The following FMNL2 variants were observed in gnomAD, a reference collection of about 807,000 sequenced individuals.
The protein encoded by FMNL2 is formin-like protein 2.
FMNL2 carries 51 observed loss-of-function variants against 130.2 expected under a neutral mutation model. The ratio of observed to expected loss-of-function variants is 0.39; its 90% CI spans 0.31 to 0.49. FMNL2 has a LOEUF of 0.49. Among genes scored for constraint, FMNL2 ranks in the 20% least tolerant of loss-of-function variants. The probability of loss-of-function intolerance (pLI) is 0.85; values close to 1 mark genes in which losing one functional copy is unlikely to be tolerated. For missense variants in FMNL2, 977 were observed against 1,316.2 expected, an observed-to-expected ratio of 0.74 and a Z score of 3.99; for synonymous variants, 465 against 467.1, an observed-to-expected ratio of 1.00 and a Z score of 0.06.
chr2:152,415,621 G>A (rs1686567336), intron 1 of FMNL2, among the ~76,000 whole-genome samples: 1 of 148,390 alleles, frequency 6.7e-6, no homozygotes, highest in Non-Finnish European at 1.5e-5. Flanking sequence ...TACTAATATT[G>A]AGTTCAAGAG....
chr2:152,409,684 A>G (rs780674232), intron 1 of FMNL2, among the ~76,000 whole-genome samples: 1 of 152,170 alleles, frequency 6.6e-6, no homozygotes, highest in African/African-American at 2.4e-5. Flanking sequence ...CAGTAATCGG[A>G]CCCTGATTAA....
intron 1 of FMNL2, among the ~76,000 whole-genome samples, chr2:152,392,741 C>G (rs530649416): frequency 6.6e-6 from 1 of 152,334 alleles, no homozygotes; most frequent in East Asian, 1.9e-4. Context: ...GGGACACATT[C>G]AAACCATAAC....
chr2:152,390,629 C>A, intron 1 of FMNL2: 1 of 958,598 alleles, frequency 1.0e-6, no homozygotes, highest in Admixed American at 1.7e-5. Flanking sequence ...AGGCCAAATT[C>A]AACTAGCCCG....
At chr2:152,621,336 G>A (rs78416242) in intron 15 of FMNL2, among the ~76,000 whole-genome samples, 17,705 of 152,206 alleles carry the variant, frequency 0.12, 1,311 homozygotes, top group African/African-American at 0.21. Flanking sequence ...GCTGAGATGT[G>A]TCTAGAGCTT....
chr2:152,601,609 C>T (rs1199251237), intron 9 of FMNL2, among the ~76,000 whole-genome samples: 1 of 148,554 alleles, frequency 6.7e-6, no homozygotes, highest in Non-Finnish European at 1.5e-5. Context: ...CGATTGCTTT[C>T]TTAAAGTATG....
In FMNL2 at chr2:152,358,540, A is replaced by G. The variant is rs528204748; in HGVS notation, c.117+22820A>G. The stretch of plus-strand genomic sequence containing the variant: ...GTGGTGCACACCTGTAGTCCCAGCT[A>G]CTTGGGAGGCTGAGGCAGAAGAATT... On this transcript the variant is annotated intron_variant, in intron 1 of 25. Coordinates refer to ENST00000288670, the MANE Select transcript of FMNL2 (RefSeq NM_052905.4). Among the ~76,000 whole-genome samples the G allele has an allele frequency of 5.9e-5, 9 of 152,114 alleles. No homozygotes were observed. The East Asian group carries it at 1.7e-3, about 29-fold the overall frequency.
chr2:152,603,699 T>C lies in FMNL2; in HGVS notation c.877-3640T>C, dbSNP rs747012. Among the ~76,000 whole-genome samples, 1,449 of 151,130 alleles carry C rather than the reference T, an allele frequency of 9.6e-3. 41 individuals are homozygous for C. Among genetic ancestry groups the C allele is most frequent in the African/African-American group, 0.033 (1,377 of 41,490 alleles). On this transcript the variant is annotated intron_variant, in intron 9 of 25. Transcript: ENST00000288670. Reference sequence around the variant, plus strand: ...TTCCAGCCATTCAAAACCTTTTTTTTCTAAGACCCAACATGCACCCCTTGA... The same window carrying C: ...TTCCAGCCATTCAAAACCTTTTTTTCCTAAGACCCAACATGCACCCCTTGA...
chr2:152,461,159 C>T (rs1689219708), intron 1 of FMNL2, among the ~76,000 whole-genome samples: 1 of 151,998 alleles, frequency 6.6e-6, no homozygotes, highest in Admixed American at 6.6e-5. Flanking sequence ...AATATGTGAA[C>T]CATATGATGA....
intron 1 of FMNL2, among the ~76,000 whole-genome samples, chr2:152,472,667 G>T (rs1689924351): frequency 6.6e-6 from 1 of 152,156 alleles, no homozygotes; most frequent in South Asian, 2.1e-4. Flanking sequence ...TCAGGCTCCA[G>T]GCAATTCAGA....
At chr2:152,452,218 T>C (rs2105072850) in intron 1 of FMNL2, among the ~76,000 whole-genome samples, 1 of 152,280 alleles carries the variant, frequency 6.6e-6, no homozygotes, top group Admixed American at 6.5e-5. Context: ...TTGAGGGACT[T>C]GCGTGATAGA....
intron 2 of FMNL2, among the ~76,000 whole-genome samples, chr2:152,532,635 T>C (rs1270967669): frequency 6.8e-6 from 1 of 146,858 alleles, no homozygotes; most frequent in Non-Finnish European, 1.5e-5. Context: ...TGAGATGGAG[T>C]CTTACTCTTT....
chr2:152,362,341 G>A (rs1322072674), intron 1 of FMNL2, among the ~76,000 whole-genome samples: 1 of 152,140 alleles, frequency 6.6e-6, no homozygotes, highest in Non-Finnish European at 1.5e-5. Flanking sequence ...TGGGCACTAG[G>A]AGAATTAGAT....
chr2:152,465,059 A>G (rs1689450939), intron 1 of FMNL2, among the ~76,000 whole-genome samples: 1 of 152,220 alleles, frequency 6.6e-6, no homozygotes, highest in Non-Finnish European at 1.5e-5. Flanking sequence ...ATACAGTGGG[A>G]TCAGTACTAC....
chr2:152,640,755 C>T (rs748904628), intron 24 of FMNL2, 36 bp from the exon 25 acceptor site: 106 of 1,606,438 alleles, frequency 6.6e-5, no homozygotes, highest in Non-Finnish European at 8.6e-5. Context: ...CTAATGGGTG[C>T]TGGCCTCACT....
chr2:152,363,973 T>G (rs1033967322), intron 1 of FMNL2, among the ~76,000 whole-genome samples: 1 of 152,210 alleles, frequency 6.6e-6, no homozygotes, highest in African/African-American at 2.4e-5. Flanking sequence ...TTGATTTTTT[T>G]GTTGTTGGTG....
intron 1 of FMNL2, among the ~76,000 whole-genome samples, chr2:152,412,384 T>C (rs1288820471): frequency 2.0e-5 from 3 of 148,328 alleles, no homozygotes; most frequent in East Asian, 2.0e-4. Flanking sequence ...AGAGGGAATA[T>C]TTTCTGATTC....
intron 9 of FMNL2, among the ~76,000 whole-genome samples, chr2:152,590,431 A>C (rs1031185913): frequency 6.6e-6 from 1 of 152,112 alleles, no homozygotes; most frequent in African/African-American, 2.4e-5. Context: ...CAGCCTGGCC[A>C]AGATGGTGAA....
chr2:152,539,346 G>A, intron 2 of FMNL2: 1 of 162,516 alleles, frequency 6.2e-6, no homozygotes, highest in Non-Finnish European at 1.4e-5. Context: ...CTAGAGGGTG[G>A]GTGGAATCAA....
chr2:152,642,825 G>A (rs1683213414), intron 25 of FMNL2, among the ~76,000 whole-genome samples: 1 of 152,116 alleles, frequency 6.6e-6, no homozygotes, highest in Admixed American at 6.5e-5. Flanking sequence ...CTGGCCACAT[G>A]GTGAAACCCC....
Sources: gnomAD v4.1 joint callset for allele counts (sites outside exome capture counted in the v4.1 genomes callset) on GRCh38, gnomAD v4.1.1 for gene constraint, MANE v1.5 for transcripts, NCBI Gene and HGNC (gene_info 2026-07-23, HGNC 2026-07-21) for gene names.